Variants in CLSTN2 observed in about 807,000 individuals in gnomAD.
CLSTN2 encodes calsyntenin-2.
Under a neutral mutation model 101.2 loss-of-function variants are expected in CLSTN2, and 48 were observed. That is an observed-to-expected ratio of 0.47 (90% CI 0.38 to 0.60). The LOEUF is 0.60. Among genes scored for constraint, CLSTN2 ranks in the 20% least tolerant of loss-of-function variants. The probability of loss-of-function intolerance (pLI) is 0.00; values close to 1 mark genes in which losing one functional copy is unlikely to be tolerated. For synonymous variants in CLSTN2, 481 were observed against 463.6 expected, an observed-to-expected ratio of 1.04 and a Z score of -0.48; for missense variants, 1,160 against 1,238.2, an observed-to-expected ratio of 0.94 and a Z score of 0.95.
intron 1 of CLSTN2, among the ~76,000 whole-genome samples, chr3:140,135,115 CACAT>C (rs1298353610): frequency 1.3e-4 from 7 of 52,056 alleles, no homozygotes; most frequent in South Asian, 6.3e-4. Context: ...CACACACACA[CACAT>C]ATATATATAT....
At chr3:140,231,248 A>ACCCT (rs1247246688) in intron 2 of CLSTN2, among the ~76,000 whole-genome samples, 1 of 151,924 alleles carries the variant, frequency 6.6e-6, no homozygotes, top group Admixed American at 6.6e-5. Flanking sequence ...AAGCAGACAC[A>ACCCT]CCCTCCCGTC....
rs552811331 is a variant in CLSTN2, at chr3:140,330,771, T to C, written c.233-72858T>C. Among the ~76,000 whole-genome samples, 167 of 152,344 alleles carry C rather than the reference T, an allele frequency of 1.1e-3. 1 individual carries two copies. The highest frequency in any genetic ancestry group is 2.0e-3 in the Non-Finnish European group (135 of 68,030). On this transcript the variant is annotated intron_variant, in intron 2 of 16. Transcript: ENST00000458420. ...TGTGAAAATAGCTGAGCTTGAGTTG[T>C]ACCACTTGTTCTGTGCACATCTAAC...
rs1269974262 is a variant in CLSTN2 at position 140,482,106 on chromosome 3, A to G, written c.1344+15375A>G. On this transcript the variant is annotated intron_variant, in intron 8 of 16. Transcript: ENST00000458420. The stretch of plus-strand genomic sequence containing the variant: ...GGGTTTGTCATAGATAGCTCTTATT[A>G]TTTTGAGATACATCCCATCAATACC... Among the ~76,000 whole-genome samples the G allele has an allele frequency of 2.0e-5, 3 of 152,298 alleles. No homozygotes were observed. The East Asian group carries it at 5.8e-4, about 29-fold the overall frequency.
At chr3:140,336,508 C>T (rs2087440884) in intron 2 of CLSTN2, among the ~76,000 whole-genome samples, 1 of 152,164 alleles carries the variant, frequency 6.6e-6, no homozygotes, top group African/African-American at 2.4e-5. Flanking sequence ...CAGAGAATCT[C>T]CTGAGGTGTG....
intron 2 of CLSTN2, among the ~76,000 whole-genome samples, chr3:140,178,777 A>G (rs2010362168): frequency 6.6e-6 from 1 of 152,158 alleles, no homozygotes; most frequent in Non-Finnish European, 1.5e-5. Context: ...AAAATTGAAA[A>G]ATTCATATCT....
intron 5 of CLSTN2, among the ~76,000 whole-genome samples, chr3:140,439,215 C>T (rs938781766): frequency 3.3e-5 from 5 of 152,250 alleles, no homozygotes; most frequent in Non-Finnish European, 7.3e-5. Flanking sequence ...GCCATCTCTC[C>T]AATGCAGTCT....
chr3:140,481,923 A>G (rs1934125205), intron 8 of CLSTN2, among the ~76,000 whole-genome samples: 2 of 152,218 alleles, frequency 1.3e-5, no homozygotes, highest in South Asian at 2.1e-4. Flanking sequence ...CTCTTTTCCT[A>G]ATTGAATACC....
At position 140,480,553 on chromosome 3, in the gene CLSTN2, G is replaced by A. The variant is rs9816854; in HGVS notation, c.1344+13822G>A. Among the ~76,000 whole-genome samples, 118 of 152,288 alleles carry A rather than the reference G, an allele frequency of 7.7e-4. 1 individual carries two copies. Among genetic ancestry groups the A allele is most frequent in the African/African-American group, 2.7e-3 (113 of 41,548 alleles). On this transcript the variant is annotated intron_variant, in intron 8 of 16. Coordinates refer to ENST00000458420, the MANE Select transcript of CLSTN2 (RefSeq NM_022131.3). ...TCCACAATGGTTGAACTAGTTTACAGTCCCGCCAACAGTGTAAAAGTGTCC... is the reference window on the plus strand; with the variant it reads ...TCCACAATGGTTGAACTAGTTTACAATCCCGCCAACAGTGTAAAAGTGTCC...
chr3:140,478,544 A>G (rs990303802), intron 8 of CLSTN2, among the ~76,000 whole-genome samples: 3 of 152,196 alleles, frequency 2.0e-5, no homozygotes, highest in African/African-American at 7.2e-5. Flanking sequence ...TGATTTGTAG[A>G]GACAGAAAGC....
rs572255967 is a variant in CLSTN2 at position 140,442,683 on chromosome 3, G to T, written c.788-5836G>T. ...AGGAGTATCCTGCTGTTCTGGAAAT[G>T]AACACCAGGACTAACCCAACTGCTG... On this transcript the variant is annotated intron_variant, in intron 5 of 16. Coordinates refer to ENST00000458420, the MANE Select transcript of CLSTN2 (RefSeq NM_022131.3). Among the ~76,000 whole-genome samples, 34 of 152,260 alleles carry T rather than the reference G, an allele frequency of 2.2e-4. No homozygotes were observed. The South Asian group carries it at 6.4e-3, about 29-fold the overall frequency.
chr3:140,294,560 A>G (rs540164751), intron 2 of CLSTN2, among the ~76,000 whole-genome samples: 70 of 150,346 alleles, frequency 4.7e-4, no homozygotes, highest in Middle Eastern at 6.9e-3. Flanking sequence ...GGCCTCCCCA[A>G]TGTCTTTTTT....
At chr3:140,257,775 A>T (rs6807041) in intron 2 of CLSTN2, among the ~76,000 whole-genome samples, 4,088 of 152,190 alleles carry the variant, frequency 0.027, 82 homozygotes, top group African/African-American at 0.057. Context: ...TTGTTTCTAA[A>T]CTTTGCTGAT....
chr3:140,513,579 CTTTCTTTTTTT>C (rs1934856659), intron 8 of CLSTN2, among the ~76,000 whole-genome samples: 1 of 59,520 alleles, frequency 1.7e-5, no homozygotes, highest in Admixed American at 2.4e-4. Context: ...CTTTTTTTTT[CTTTCTTTTTTT>C]TTTTTTTTTT....
chr3:139,975,782 T>C (rs1935806271), intron 1 of CLSTN2, among the ~76,000 whole-genome samples: 1 of 152,132 alleles, frequency 6.6e-6, no homozygotes, highest in Non-Finnish European at 1.5e-5. Context: ...ACCACCTCTC[T>C]GCAGTGAATG....
At chr3:140,288,130 C>A (rs4142784) in intron 2 of CLSTN2, among the ~76,000 whole-genome samples, 3 of 22,794 alleles carry the variant, frequency 1.3e-4, no homozygotes, top group East Asian at 3.0e-3. Context: ...AGGAAACCGG[C>A]GGGGGGGGTC....
intron 4 of CLSTN2, among the ~76,000 whole-genome samples, chr3:140,417,407 T>C (rs1048328385): frequency 6.6e-6 from 1 of 152,142 alleles, no homozygotes; most frequent in Non-Finnish European, 1.5e-5. Flanking sequence ...GGAATTGCAC[T>C]CCCAAAAGGT....
chr3:140,309,741 G>A (rs2087147139), intron 2 of CLSTN2, among the ~76,000 whole-genome samples: 1 of 152,084 alleles, frequency 6.6e-6, no homozygotes, highest in Non-Finnish European at 1.5e-5. Context: ...CCGTGACTAA[G>A]TCTTTCCTTC....
At chr3:140,150,542 A>C (rs1043064459) in intron 1 of CLSTN2, among the ~76,000 whole-genome samples, 1 of 152,178 alleles carries the variant, frequency 6.6e-6, no homozygotes, top group Non-Finnish European at 1.5e-5. Context: ...AGCTCAGAGA[A>C]GTACTTTACC....
At chr3:140,310,855 T>C (rs1012442128) in intron 2 of CLSTN2, among the ~76,000 whole-genome samples, 1 of 152,246 alleles carries the variant, frequency 6.6e-6, no homozygotes, top group Non-Finnish European at 1.5e-5. Flanking sequence ...AAAAAATTTA[T>C]GTATTCGTTA....
Sources: allele counts gnomAD v4.1 joint callset (sites outside exome capture counted in the v4.1 genomes callset), GRCh38; gene constraint gnomAD v4.1.1; transcripts MANE v1.5; gene names NCBI Gene and HGNC (gene_info 2026-07-23, HGNC 2026-07-21).